The following ATP8A1 variants were observed in gnomAD, a reference collection of about 807,000 sequenced individuals.
The protein encoded by ATP8A1 is phospholipid-transporting ATPase IA.
A neutral mutation model predicts 177.7 loss-of-function variants in ATP8A1; 90 were observed. The ratio of observed to expected loss-of-function variants is 0.51; its 90% CI spans 0.43 to 0.60. ATP8A1 has a LOEUF of 0.60. ATP8A1 is among the 20% of genes least tolerant of loss of function. The probability of loss-of-function intolerance (pLI) is 0.00; values close to 1 mark genes in which losing one functional copy is unlikely to be tolerated. For synonymous variants in ATP8A1, 493 were observed against 485.9 expected (o/e 1.01, Z -0.19); for missense variants, 1,072 against 1,392.8 (o/e 0.77, Z 3.67).
At chr4:42,477,505 C>A (rs796614503) in intron 25 of ATP8A1, among the ~76,000 whole-genome samples, 7 of 152,212 alleles carry the variant, frequency 4.6e-5, no homozygotes, top group African/African-American at 1.7e-4. Flanking sequence ...TCTCTCTCTC[C>A]CCATGTAAGA....
chr4:42,424,459 A>G (rs1714353871), intron 33 of ATP8A1, among the ~76,000 whole-genome samples: 1 of 152,184 alleles, frequency 6.6e-6, no homozygotes, highest in South Asian at 2.1e-4. Context: ...GGAAATTTTT[A>G]GTACCTATTT....
intron 33 of ATP8A1, among the ~76,000 whole-genome samples, chr4:42,435,503 C>A (rs1448714726): frequency 6.8e-6 from 1 of 147,860 alleles, no homozygotes; most frequent in African/African-American, 2.5e-5. Flanking sequence ...AAACAGATGG[C>A]ACAACGACTT....
intron 15 of ATP8A1, among the ~76,000 whole-genome samples, chr4:42,564,923 T>C (rs1179004169): frequency 6.6e-6 from 1 of 152,174 alleles, no homozygotes; most frequent in Non-Finnish European, 1.5e-5. Context: ...AATTGAATCA[T>C]GGGGACAGGT....
intron 25 of ATP8A1, among the ~76,000 whole-genome samples, chr4:42,466,688 A>G (rs1453272751): frequency 6.6e-6 from 1 of 152,254 alleles, no homozygotes; most frequent in East Asian, 1.9e-4. Context: ...ACAAAATGAC[A>G]CAACTGTGAA....
intron 25 of ATP8A1, among the ~76,000 whole-genome samples, chr4:42,479,154 C>T (rs1360126769): frequency 6.6e-6 from 1 of 152,126 alleles, no homozygotes; most frequent in Non-Finnish European, 1.5e-5. Flanking sequence ...GTTTTTGTTA[C>T]TTATAGTCTT....
At chr4:42,538,463 A>C (rs1728057254) in intron 20 of ATP8A1, among the ~76,000 whole-genome samples, 1 of 152,214 alleles carries the variant, frequency 6.6e-6, no homozygotes, top group Admixed American at 6.5e-5. Context: ...TCAGGACAGT[A>C]AACAGACAAC....
At position 42,417,628 on chromosome 4, in the gene ATP8A1, G is replaced by A. The variant is rs541389374; in HGVS notation, c.3306-2910C>T. 1.7e-4 allele frequency among the ~76,000 whole-genome samples: 26 copies of A among 152,302 alleles called. No homozygotes were observed. The South Asian group carries it at 5.2e-3, about 30-fold the overall frequency. On this transcript the variant is annotated intron_variant, in intron 35 of 36. Transcript: ENST00000381668. ...CAGTGTTGGTAAAAACCAATTCATG[G>A]TTCTGGAATGTGTTGGAACGTGTTG...
At position 42,496,192 on chromosome 4, in the gene ATP8A1, C is replaced by T. The variant is rs370484776; in HGVS notation, c.2151+7258G>A. On this transcript the variant is annotated intron_variant, in intron 24 of 36. Coordinates refer to ENST00000381668, the MANE Select transcript of ATP8A1 (RefSeq NM_006095.2). ...AGGCAGCAAAGTGCTGAATCTGTGT[C>T]CAGTCTGTGTTTCAGCACGGGGGTG... is the stretch of plus-strand genomic sequence containing the variant. Among the ~76,000 whole-genome samples, 21 of 152,224 alleles carry T rather than the reference C, an allele frequency of 1.4e-4. No individual in the cohort carries two copies. The East Asian group carries it at 3.1e-3, about 22-fold the overall frequency.
At chr4:42,504,722 G>A (rs369294495) in intron 23 of ATP8A1, among the ~76,000 whole-genome samples, 1 of 152,220 alleles carries the variant, frequency 6.6e-6, no homozygotes, top group Admixed American at 6.5e-5. Flanking sequence ...AGCAGCCAGA[G>A]TGACTGTTTT....
intron 33 of ATP8A1, among the ~76,000 whole-genome samples, chr4:42,427,533 C>T (rs1246089370): frequency 1.3e-5 from 2 of 152,194 alleles, no homozygotes; most frequent in South Asian, 4.1e-4. Flanking sequence ...AATTTATATT[C>T]CCACCAGCAA....
chr4:42,491,200 T>C (rs1722703849), intron 24 of ATP8A1, among the ~76,000 whole-genome samples: 2 of 152,150 alleles, frequency 1.3e-5, no homozygotes, highest in Non-Finnish European at 1.5e-5. Context: ...ACAATGTATA[T>C]TTAGATCAGC....
At chr4:42,472,990 CAAG>C (rs1226337660) in intron 25 of ATP8A1, among the ~76,000 whole-genome samples, 1 of 151,958 alleles carries the variant, frequency 6.6e-6, no homozygotes, top group Non-Finnish European at 1.5e-5. Context: ...ATGGAAAAGG[CAAG>C]AAGAATATTG....
At chr4:42,550,974 A>G (rs1214890405) in intron 18 of ATP8A1, among the ~76,000 whole-genome samples, 2 of 152,210 alleles carry the variant, frequency 1.3e-5, no homozygotes, top group African/African-American at 4.8e-5. Flanking sequence ...GAATCAGAAG[A>G]TACATTAAAA....
At chr4:42,638,136 T>C (rs375942639) in intron 1 of ATP8A1, among the ~76,000 whole-genome samples, 14 of 152,310 alleles carry the variant, frequency 9.2e-5, no homozygotes, top group African/African-American at 3.1e-4. Flanking sequence ...ATATAAGGCA[T>C]CCAAAAATTC....
intron 7 of ATP8A1, 77 bp downstream of exon 7, chr4:42,590,734 A>G (rs1734078448): frequency 1.5e-6 from 2 of 1,338,544 alleles, no homozygotes; most frequent in Non-Finnish European, 2.1e-6. Flanking sequence ...GAACTCAACC[A>G]TATTTGGGTG....
Position 42,600,491 on chromosome 4 carries a change from A to G in ATP8A1, c.437T>C (p.Val146Ala), listed in dbSNP as rs1230778249. ...QVLRNGAWEIVHWEKVAVGEI... is the reference protein window; with the variant it reads ...QVLRNGAWEIAHWEKVAVGEI... The stretch of plus-strand genomic sequence containing the variant: ...ATCAGTGCATACCTTTTCCCAGTGG[A>G]CAATTTCCCAAGCACCATTTCTCAA... The change falls in exon 6 of 37, where the codon GTC becomes GCC. Residue 146 changes from valine to alanine, a missense_variant. Coordinates refer to ENST00000381668, the MANE Select transcript of ATP8A1 (RefSeq NM_006095.2). The G allele has an allele frequency of 6.2e-7, 1 of 1,610,584 alleles. No individual in the cohort carries two copies. Among genetic ancestry groups the G allele is most frequent in the African/African-American group, 1.3e-5 (1 of 74,720 alleles).
chr4:42,555,128 T>A (rs898804535), intron 16 of ATP8A1, among the ~76,000 whole-genome samples: 47 of 89,162 alleles, frequency 5.3e-4, no homozygotes, highest in African/African-American at 2.2e-3. Flanking sequence ...TATCTATCTA[T>A]CTATCTATCT....
At chr4:42,493,119 A>C (rs1475215618) in intron 24 of ATP8A1, among the ~76,000 whole-genome samples, 1 of 152,182 alleles carries the variant, frequency 6.6e-6, no homozygotes, top group East Asian at 1.9e-4. Context: ...GTCATAAAAA[A>C]GTGAGATGTG....
At chr4:42,465,687 T>G (rs1719664572) in intron 25 of ATP8A1, among the ~76,000 whole-genome samples, 1 of 152,172 alleles carries the variant, frequency 6.6e-6, no homozygotes, top group Non-Finnish European at 1.5e-5. Context: ...TCATATCTGG[T>G]ATTAGATTTG....
Sources: allele counts gnomAD v4.1 joint callset (sites outside exome capture counted in the v4.1 genomes callset), GRCh38; gene constraint gnomAD v4.1.1; transcripts MANE v1.5; gene names NCBI Gene and HGNC (gene_info 2026-07-23, HGNC 2026-07-21).